ARHGAP26: variants seen among roughly 807,000 people sequenced by gnomAD.
The protein encoded by ARHGAP26 is Rho GTPase activating protein 26.
Under a neutral mutation model 104.8 loss-of-function variants are expected in ARHGAP26, and 38 were observed. The ratio of observed to expected loss-of-function variants is 0.36; its 90% CI spans 0.28 to 0.48. The LOEUF (loss-of-function observed/expected upper bound fraction) is 0.48. ARHGAP26 is among the 20% of genes least tolerant of loss of function. The pLI is 0.99. For missense variants in ARHGAP26, 704 were observed against 947.9 expected (o/e 0.74, Z 3.38); for synonymous variants, 341 against 340.0 (o/e 1.00, Z -0.03).
At chr5:142,772,789 T>G (rs778358930) in intron 1 of ARHGAP26, 28 of 533,396 alleles carry the variant, frequency 5.2e-5, no homozygotes, top group South Asian at 3.9e-4. Flanking sequence ...GAATGGAACC[T>G]CTTGCACCAA....
chr5:143,004,943 T>C (rs989539928), intron 11 of ARHGAP26, among the ~76,000 whole-genome samples: 1 of 152,130 alleles, frequency 6.6e-6, no homozygotes, highest in Admixed American at 6.5e-5. Flanking sequence ...GTGATACAAC[T>C]AGGAACTGAT....
At chr5:143,072,236 A>T (rs1449737722) in intron 17 of ARHGAP26, among the ~76,000 whole-genome samples, 1 of 152,220 alleles carries the variant, frequency 6.6e-6, no homozygotes, top group Non-Finnish European at 1.5e-5. Flanking sequence ...GATGACTATT[A>T]TCAGAAAGGC....
chr5:143,112,648 C>G (rs1158835214), intron 17 of ARHGAP26, among the ~76,000 whole-genome samples: 2 of 152,146 alleles, frequency 1.3e-5, no homozygotes, highest in Non-Finnish European at 2.9e-5. Flanking sequence ...AACCATCTTT[C>G]TACTTTTCAA....
At chr5:143,056,328 TTTTTTTTTTTTTG>T (rs1217859374) in intron 16 of ARHGAP26, among the ~76,000 whole-genome samples, 2 of 149,344 alleles carry the variant, frequency 1.3e-5, no homozygotes, top group African/African-American at 5.0e-5. Flanking sequence ...TTTTTTTTTT[TTTTTTTTTTTTTG>T]AGGGGAGGAG....
At chr5:142,948,920 C>T (rs1333798435) in intron 11 of ARHGAP26, among the ~76,000 whole-genome samples, 1 of 151,806 alleles carries the variant, frequency 6.6e-6, no homozygotes, top group Non-Finnish European at 1.5e-5. Flanking sequence ...GCCTGGACAA[C>T]ATGGTGAAAT....
At position 142,898,337 on chromosome 5, in the gene ARHGAP26, C is replaced by T. The variant is rs947658065; in HGVS notation, c.598-3598C>T. On this transcript the variant is annotated intron_variant, in intron 6 of 22. Coordinates refer to ENST00000645722, the MANE Select transcript of ARHGAP26 (RefSeq NM_001135608.3). The stretch of plus-strand genomic sequence containing the variant: ...TGGATTGCAGATAATGACATATTGA[C>T]TCCATGAAGGTGAAGCCACATTCCC... 1.2e-4 allele frequency among the ~76,000 whole-genome samples: 18 copies of T among 152,142 alleles called. No homozygotes were observed. The East Asian group carries it at 2.9e-3, about 24-fold the overall frequency.
chr5:142,820,227 A>G (rs1765857816), intron 1 of ARHGAP26, among the ~76,000 whole-genome samples: 13 of 152,200 alleles, frequency 8.5e-5, no homozygotes, highest in Admixed American at 8.5e-4. Context: ...GGAGACCCCA[A>G]CGTTGAGAAT....
chr5:142,819,089 A>G (rs1765638766), intron 1 of ARHGAP26, among the ~76,000 whole-genome samples: 1 of 152,118 alleles, frequency 6.6e-6, no homozygotes, highest in Non-Finnish European at 1.5e-5. Context: ...GGTTACTGGG[A>G]TGTCCCTGTG....
At chr5:142,976,046 C>T (rs1171060091) in intron 11 of ARHGAP26, among the ~76,000 whole-genome samples, 1 of 152,150 alleles carries the variant, frequency 6.6e-6, no homozygotes, top group African/African-American at 2.4e-5. Context: ...GCCATATGCC[C>T]GGCTTAAGGG....
intron 19 of ARHGAP26, among the ~76,000 whole-genome samples, chr5:143,145,836 G>A (rs1799090026): frequency 6.6e-6 from 1 of 152,190 alleles, no homozygotes; most frequent in Admixed American, 6.5e-5. Context: ...TAAGATATCA[G>A]GGGTATTGGG....
chr5:142,796,928 G>A (rs1761092077), intron 1 of ARHGAP26, among the ~76,000 whole-genome samples: 3 of 152,170 alleles, frequency 2.0e-5, no homozygotes. Context: ...TTGCCAATGG[G>A]GTTCCGTTTC....
chr5:142,787,296 A>G lies in ARHGAP26; in HGVS notation c.154+16381A>G, dbSNP rs116065810. ...TGGTCTTTAACAAAGTAGGTCAATA[A>G]TTTATATTTCAAGAAGGGAAATTTG... On this transcript the variant is annotated intron_variant, in intron 1 of 22. Coordinates refer to ENST00000645722, the MANE Select transcript of ARHGAP26 (RefSeq NM_001135608.3). Among the ~76,000 whole-genome samples, 895 of 151,988 alleles carry G rather than the reference A, an allele frequency of 5.9e-3. 12 individuals carry two copies. The highest frequency in any genetic ancestry group is 0.021 in the African/African-American group (856 of 41,244).
intron 1 of ARHGAP26, among the ~76,000 whole-genome samples, chr5:142,849,522 C>T (rs1320590304): frequency 2.0e-5 from 3 of 152,184 alleles, no homozygotes; most frequent in Non-Finnish European, 4.4e-5. Context: ...CATTCATCCC[C>T]TTCTGAACGT....
At chr5:142,962,007 A>T (rs747786785) in intron 11 of ARHGAP26, among the ~76,000 whole-genome samples, 1 of 152,174 alleles carries the variant, frequency 6.6e-6, no homozygotes, top group Non-Finnish European at 1.5e-5. Context: ...GGTTTGTTTA[A>T]AATATCACTG....
chr5:143,210,623 G>A (rs542767671), intron 21 of ARHGAP26, among the ~76,000 whole-genome samples: 15 of 152,230 alleles, frequency 9.9e-5, no homozygotes, highest in East Asian at 5.8e-4. Context: ...CCCCAAACCC[G>A]TAACTTGCAT....
chr5:142,983,566 A>T (rs904647152), intron 11 of ARHGAP26, among the ~76,000 whole-genome samples: 1 of 152,254 alleles, frequency 6.6e-6, no homozygotes, highest in Non-Finnish European at 1.5e-5. Flanking sequence ...CCCAAAGTCT[A>T]TAGAACATAG....
intron 14 of ARHGAP26, among the ~76,000 whole-genome samples, chr5:143,051,425 C>T (rs1044247049): frequency 1.3e-5 from 2 of 152,180 alleles, no homozygotes; most frequent in East Asian, 3.8e-4. Flanking sequence ...TAGTTTAGAT[C>T]TGTTTTACTA....
chr5:142,874,858 C>T (rs758884050), intron 2 of ARHGAP26: 4 of 470,786 alleles, frequency 8.5e-6, no homozygotes, highest in Non-Finnish European at 1.5e-5. Flanking sequence ...CCTGGATACT[C>T]TCAGGAACAG....
chr5:142,798,897 A>T (rs1376511007), intron 1 of ARHGAP26, among the ~76,000 whole-genome samples: 5 of 152,216 alleles, frequency 3.3e-5, no homozygotes. Context: ...CTCTCATTGC[A>T]GCATGGAGCC....
Sources: gnomAD v4.1 joint callset for allele counts (sites outside exome capture counted in the v4.1 genomes callset) on GRCh38, gnomAD v4.1.1 for gene constraint, MANE v1.5 for transcripts, NCBI Gene and HGNC (gene_info 2026-07-23, HGNC 2026-07-21) for gene names.